LRRC75A: variants seen among roughly 807,000 people sequenced by gnomAD.
LRRC75A encodes the protein leucine-rich repeat-containing protein 75A.
Under a neutral mutation model 26.0 loss-of-function variants are expected in LRRC75A, and 12 were observed. The ratio of observed to expected loss-of-function variants is 0.46; its 90% CI spans 0.30 to 0.75. The LOEUF is 0.75. Among genes scored for constraint, LRRC75A ranks in the 30% least tolerant of loss-of-function variants. LRRC75A has a pLI of 0.08. For missense variants in LRRC75A, 410 were observed against 486.6 expected, an observed-to-expected ratio of 0.84 and a Z score of 1.48; for synonymous variants, 223 against 219.3, an observed-to-expected ratio of 1.02 and a Z score of -0.15.
In LRRC75A at chr17:16,453,328, G is replaced by A. The variant is rs202187084; in HGVS notation, c.376-5368C>T. The stretch of plus-strand genomic sequence containing the variant: ...CACACACACGCACACACGCACACAC[G>A]CACACGCACACACGCACACGCACAC... On this transcript the variant is annotated intron_variant, in intron 2 of 3. Transcript: ENST00000470794. 3.3e-3 allele frequency among the ~76,000 whole-genome samples: 459 copies of A among 139,230 alleles called. 1 individual carries two copies. The highest frequency in any genetic ancestry group is 0.012 in the African/African-American group (438 of 37,642). The allele number at this position is 139,230 out of a possible 152,430, so 91.3% of individuals were successfully genotyped here.
In LRRC75A at chr17:16,468,335, C is replaced by T. The variant is rs143596132; in HGVS notation, c.247-5949G>A. Among the ~76,000 whole-genome samples the T allele has an allele frequency of 4.8e-3, 725 of 152,306 alleles. 4 individuals are homozygous for T. The highest frequency in any genetic ancestry group is 0.029 in the South Asian group (139 of 4,830). ...GGCCATGAACAGATGAATGGGTACACGGAGTGTGGTCTAGCCACGCAACGA... is the reference window on the plus strand; with the variant it reads ...GGCCATGAACAGATGAATGGGTACATGGAGTGTGGTCTAGCCACGCAACGA... On this transcript the variant is annotated intron_variant, in intron 1 of 3. Coordinates refer to ENST00000470794, the MANE Select transcript of LRRC75A (RefSeq NM_001113567.3).
chr17:16,483,748 C>T (rs558413153), intron 1 of LRRC75A, among the ~76,000 whole-genome samples: 77 of 152,178 alleles, frequency 5.1e-4, no homozygotes, highest in Non-Finnish European at 8.8e-4. Context: ...CCCTTCTGTG[C>T]CACGCTGCGC....
chr17:16,474,905 A>C (rs1432190859), intron 1 of LRRC75A, among the ~76,000 whole-genome samples: 1 of 151,292 alleles, frequency 6.6e-6, no homozygotes, highest in African/African-American at 2.4e-5. Flanking sequence ...AGGCAGGAGA[A>C]TGGCGTGAAC....
At chr17:16,481,353 AG>A (rs1354154174) in intron 1 of LRRC75A, among the ~76,000 whole-genome samples, 8 of 152,314 alleles carry the variant, frequency 5.3e-5, no homozygotes, top group Admixed American at 5.2e-4. Flanking sequence ...GCCCGCTCAC[AG>A]GAAGTGTGAT....
chr17:16,479,004 A>C (rs1490640399), intron 1 of LRRC75A, among the ~76,000 whole-genome samples: 1 of 152,226 alleles, frequency 6.6e-6, no homozygotes, highest in African/African-American at 2.4e-5. Flanking sequence ...CAAGGATATG[A>C]ACAGTCTGGG....
chr17:16,468,219 T>C (rs939286518), intron 1 of LRRC75A, among the ~76,000 whole-genome samples: 2 of 152,192 alleles, frequency 1.3e-5, no homozygotes, highest in Admixed American at 6.5e-5. Context: ...TGGGAATATA[T>C]ACCCCAAAGA....
In LRRC75A at chr17:16,444,062, G is replaced by C; in HGVS notation, c.561C>G (p.Ser187=). ...TVDLSGIPLT[S]RDLERVTSYL... is the part of the protein sequence containing the mutation. ...AGCTGGTCACCCGCTCCAGGTCTCG[G>C]GAGGTCAGTGGGATTCCCGACAGGT... The change falls in exon 4 of 4, where the codon TCC becomes TCG. Residue 187 remains serine, a synonymous_variant. Transcript: ENST00000470794. The C allele has an allele frequency of 6.2e-7, 1 of 1,613,060 alleles. No homozygotes were observed. Among genetic ancestry groups the C allele is most frequent in the Non-Finnish European group, 8.5e-7 (1 of 1,179,526 alleles).
At chr17:16,458,792 C>G (rs763719083) in intron 2 of LRRC75A, among the ~76,000 whole-genome samples, 13 of 151,988 alleles carry the variant, frequency 8.6e-5, no homozygotes, top group Non-Finnish European at 1.6e-4. Flanking sequence ...TTCTGTTAAG[C>G]CTTCTGACAC....
chr17:16,475,308 ATG>A (rs368523412), intron 1 of LRRC75A, among the ~76,000 whole-genome samples: 1 of 151,896 alleles, frequency 6.6e-6, no homozygotes, highest in South Asian at 2.1e-4. Flanking sequence ...AACTGATAAG[ATG>A]TGTGTGTGTG....
intron 1 of LRRC75A, among the ~76,000 whole-genome samples, chr17:16,471,750 C>A (rs930387781): frequency 6.6e-6 from 1 of 152,164 alleles, no homozygotes; most frequent in African/African-American, 2.4e-5. Context: ...TGACACTGTC[C>A]ACGACAAGGA....
At chr17:16,485,694 A>C (rs1198117152) in intron 1 of LRRC75A, among the ~76,000 whole-genome samples, 1 of 60,320 alleles carries the variant, frequency 1.7e-5, no homozygotes, top group Non-Finnish European at 3.7e-5. Flanking sequence ...GTGTGTGTGT[A>C]TGCGTGGGCG....
Position 16,443,416 on chromosome 17 carries a change from T to G in LRRC75A, c.*172A>C. ...CAGATGCAGAGGACCAACGGGAAGTTTTAACACAAATCCCCTTCCCCAGAT... is the reference window on the plus strand; with the variant it reads ...CAGATGCAGAGGACCAACGGGAAGTGTTAACACAAATCCCCTTCCCCAGAT... On this transcript the variant is annotated 3_prime_UTR_variant, in exon 4 of 4. Transcript: ENST00000470794. The G allele has an allele frequency of 1.7e-6, 1 of 593,840 alleles. No individual in the cohort carries two copies. Among genetic ancestry groups the G allele is most frequent in the Non-Finnish European group, 2.9e-6 (1 of 346,366 alleles). The allele number at this position is 593,840 out of a possible 1,614,324, so 36.8% of individuals were successfully genotyped here.
intron 1 of LRRC75A, among the ~76,000 whole-genome samples, chr17:16,490,668 A>G (rs1457443842): frequency 2.6e-5 from 4 of 152,142 alleles, no homozygotes; most frequent in Admixed American, 6.5e-5. Flanking sequence ...AGATTTTGGA[A>G]GCTCCTCCCA....
intron 2 of LRRC75A, among the ~76,000 whole-genome samples, chr17:16,453,302 ACACACACACGCACACACG>A (rs1348978609): frequency 3.0e-5 from 3 of 100,352 alleles, no homozygotes; most frequent in Admixed American, 9.1e-5. Flanking sequence ...TCCTAAACAC[ACACACACACGCACACACG>A]CACACACGCA....
intron 2 of LRRC75A, among the ~76,000 whole-genome samples, chr17:16,453,946 G>C (rs183079425): frequency 2.1e-3 from 320 of 152,302 alleles, no homozygotes; most frequent in African/African-American, 7.5e-3. Context: ...GACCATTCCA[G>C]AGGGGTAGGA....
At chr17:16,452,997 GA>G (rs2093645146) in intron 2 of LRRC75A, among the ~76,000 whole-genome samples, 1 of 152,012 alleles carries the variant, frequency 6.6e-6, no homozygotes, top group Admixed American at 6.6e-5. Context: ...AGCCTTAAAA[GA>G]AGAGAATAGA....
chr17:16,486,811 G>C (rs1431490324), intron 1 of LRRC75A, among the ~76,000 whole-genome samples: 1 of 152,228 alleles, frequency 6.6e-6, no homozygotes, highest in Non-Finnish European at 1.5e-5. Flanking sequence ...AAGCAAACGT[G>C]CTGTGTCTCA....
chr17:16,489,443 G>T (rs2143458052), intron 1 of LRRC75A, among the ~76,000 whole-genome samples: 1 of 152,298 alleles, frequency 6.6e-6, no homozygotes, highest in East Asian at 1.9e-4. Flanking sequence ...TCTGACCCCT[G>T]TGAGGCTTGT....
chr17:16,446,033 TGA>T (rs2093582012), intron 3 of LRRC75A, among the ~76,000 whole-genome samples: 1 of 152,222 alleles, frequency 6.6e-6, no homozygotes, highest in Non-Finnish European at 1.5e-5. Context: ...CTCAGCCTTC[TGA>T]GTAGCTGGGA....
Sources: allele counts gnomAD v4.1 joint callset (sites outside exome capture counted in the v4.1 genomes callset), GRCh38; gene constraint gnomAD v4.1.1; transcripts MANE v1.5; gene names NCBI Gene and HGNC (gene_info 2026-07-23, HGNC 2026-07-21).